The following HAPLN2 variants were observed in gnomAD, a reference collection of about 807,000 sequenced individuals.
HAPLN2 encodes the protein brain link protein-1.
Under a neutral mutation model 29.3 loss-of-function variants are expected in HAPLN2, and 27 were observed. The ratio of observed to expected loss-of-function variants is 0.92; its 90% CI spans 0.68 to 1.27. The LOEUF (loss-of-function observed/expected upper bound fraction) is 1.27, where lower values mean the gene tolerates loss of function less well. Ranked by LOEUF, HAPLN2 falls within the 50% of genes most tolerant of loss-of-function variation. The pLI is 0.00. For synonymous variants in HAPLN2, 208 were observed against 211.7 expected, an observed-to-expected ratio of 0.98 and a Z score of 0.15; for missense variants, 454 against 484.3, an observed-to-expected ratio of 0.94 and a Z score of 0.59.
At chr1:156,624,931 C>G (rs1678398775) in intron 6 of HAPLN2, 148 bp downstream of exon 6, 2 of 1,059,710 alleles carry the variant, frequency 1.9e-6, no homozygotes, top group Middle Eastern at 3.2e-4. Flanking sequence ...GCCCAGGCTC[C>G]AGCTCACCTC....
intron 4 of HAPLN2, 51 bp downstream of exon 4, chr1:156,624,211 C>A: frequency 6.4e-7 from 1 of 1,554,036 alleles, no homozygotes; most frequent in Admixed American, 1.9e-5. Flanking sequence ...GGGTCCGCCT[C>A]GCCTGGGTCT....
the HAPLN2 span, among the ~76,000 whole-genome samples, chr1:156,605,429 T>TAA: frequency 2.1e-5 from 3 of 140,700 alleles, no homozygotes; most frequent in Non-Finnish European, 3.1e-5. Flanking sequence ...CTGTCTCTAA[T>TAA]AAAAAAAAAA....
chr1:156,624,539 G>A (rs1678378438), intron 5 of HAPLN2, 62 bp from the exon 6 acceptor site: 1 of 1,601,892 alleles, frequency 6.2e-7, no homozygotes, highest in East Asian at 2.3e-5. Flanking sequence ...GGCGCCAGGC[G>A]AGCTCAGTCT....
chr1:156,610,363 C>T, the HAPLN2 span, among the ~76,000 whole-genome samples: 9 of 152,026 alleles, frequency 5.9e-5, no homozygotes, highest in African/African-American at 1.9e-4. Flanking sequence ...GGAGGCCAGG[C>T]GCGGTGGCTT....
At chr1:156,607,539 G>A in the HAPLN2 span, among the ~76,000 whole-genome samples, 1 of 152,112 alleles carries the variant, frequency 6.6e-6, no homozygotes, top group Non-Finnish European at 1.5e-5. Flanking sequence ...AGGTGGGGCA[G>A]AGGTGAGGTG....
chr1:156,602,917 A>G, the HAPLN2 span, among the ~76,000 whole-genome samples: 1 of 152,066 alleles, frequency 6.6e-6, no homozygotes, highest in Non-Finnish European at 1.5e-5. Context: ...AGCGCCCCCT[A>G]GAAACTTCCA....
chr1:156,625,259 G>A lies in HAPLN2; in HGVS notation c.898G>A (p.Val300Met). ...CDGGWLADGS[V>M]RFPITTPRPR... ...CGGCGGCTGGCTGGCTGACGGCAGTGTGCGCTTCCCAATCACCACGCCGAG... is the reference window on the plus strand; with the variant it reads ...CGGCGGCTGGCTGGCTGACGGCAGTATGCGCTTCCCAATCACCACGCCGAG... The change falls in exon 7 of 7, where the codon GTG (valine) becomes ATG (methionine). Residue 300 changes from valine (V) to methionine (M), a missense_variant. Val to Met is a conservative substitution (Grantham distance 21, BLOSUM62 1). Coordinates refer to ENST00000255039, the MANE Select transcript of HAPLN2 (RefSeq NM_021817.3). The surrounding 1 kb of genome is among the most constrained non-coding windows in gnomAD (Gnocchi z 5.7). 3 of 1,575,706 alleles carry A rather than the reference G, an allele frequency of 1.9e-6. No homozygotes were observed.
chr1:156,624,066 C>G lies in HAPLN2; in HGVS notation c.345C>G (p.Ile115Met), dbSNP rs760372413. The change falls in exon 4 of 7, where the codon ATC becomes ATG. Residue 115 changes from isoleucine to methionine, a missense_variant. Physicochemically the swap from Ile to Met is conservative, Grantham distance 10. Coordinates refer to ENST00000255039, the MANE Select transcript of HAPLN2 (RefSeq NM_021817.3). ...ATCGACTAGACGCCTCCCTGGTCAT[C>G]GCGGGCGTGCGCCTGGAGGACGAGG... Reference protein sequence around the residue: ...RGHRLDASLVIAGVRLEDEGR... With the variant: ...RGHRLDASLVMAGVRLEDEGR... The G allele has an allele frequency of 3.1e-6, 5 of 1,613,424 alleles. No individual in the cohort carries two copies. The highest frequency in any genetic ancestry group is 1.3e-5 in the African/African-American group (1 of 74,914).
At chr1:156,622,433 G>A (rs899426626) in intron 2 of HAPLN2, among the ~76,000 whole-genome samples, 2 of 151,670 alleles carry the variant, frequency 1.3e-5, no homozygotes, top group Non-Finnish European at 1.5e-5. Flanking sequence ...CAGTCTGGGC[G>A]AGAGAGTAAA....
chr1:156,622,958 T>TGG (rs1678284740), intron 2 of HAPLN2, among the ~76,000 whole-genome samples: 1 of 150,358 alleles, frequency 6.7e-6, no homozygotes, highest in African/African-American at 2.4e-5. Context: ...CACCTGGAGC[T>TGG]GGAAGTTAGG....
chr1:156,616,672 G>T (rs1678065723), upstream of HAPLN2, among the ~76,000 whole-genome samples: 1 of 152,202 alleles, frequency 6.6e-6, no homozygotes. Context: ...AGGGTGTCCT[G>T]TCCAAGGAGA....
chr1:156,604,901 A>G, the HAPLN2 span, among the ~76,000 whole-genome samples: 1 of 150,708 alleles, frequency 6.6e-6, no homozygotes, highest in Non-Finnish European at 1.5e-5. Flanking sequence ...CACAATCTCT[A>G]TAAAAAATCC....
rs377240441 is a variant in HAPLN2, at chr1:156,625,355, T to C, written c.994T>C (p.Tyr332His). The change falls in exon 7 of 7, where the codon TAT becomes CAT. Residue 332 changes from tyrosine to histidine, a missense_variant. This residue lies in a region of HAPLN2 where 235 missense variants were observed against 236.9 expected (regional missense o/e 0.99). Transcript: ENST00000255039. The surrounding 1 kb of genome is among the most constrained non-coding windows in gnomAD (Gnocchi z 5.7). ...CTTCCCCAGGCCCCAACAGGCAGCC[T>C]ATGGGACCTACTGCTACGCCGAGAA... ...FGFPRPQQAA[Y>H]GTYCYAEN The C allele has an allele frequency of 1.9e-6, 3 of 1,602,312 alleles. No homozygotes were observed. Among genetic ancestry groups the C allele is most frequent in the African/African-American group, 2.7e-5 (2 of 74,542 alleles).
chr1:156,622,470 G>A (rs1678261705), intron 2 of HAPLN2, among the ~76,000 whole-genome samples: 1 of 151,628 alleles, frequency 6.6e-6, no homozygotes, highest in South Asian at 2.1e-4. Context: ...AAAAAGGTCC[G>A]CAGTCCAGCA....
At chr1:156,618,881 G>T (rs1374638458), upstream of HAPLN2, among the ~76,000 whole-genome samples, 1 of 148,572 alleles carries the variant, frequency 6.7e-6, no homozygotes, top group Non-Finnish European at 1.5e-5. Flanking sequence ...TTATCTATTT[G>T]TGCTGAGGGA....
the HAPLN2 span, among the ~76,000 whole-genome samples, chr1:156,605,280 A>AT: frequency 6.6e-6 from 1 of 151,518 alleles, no homozygotes; most frequent in Non-Finnish European, 1.5e-5. Context: ...AGAAAAAAAA[A>AT]GAGAGAGAAA....
the HAPLN2 span, among the ~76,000 whole-genome samples, chr1:156,609,461 A>G: frequency 6.6e-6 from 1 of 152,260 alleles, no homozygotes; most frequent in Non-Finnish European, 1.5e-5. Flanking sequence ...TTGTTAAATT[A>G]TCTACAATTA....
chr1:156,612,493 A>G, the HAPLN2 span, among the ~76,000 whole-genome samples: 38 of 152,252 alleles, frequency 2.5e-4, no homozygotes, highest in East Asian at 6.9e-3. Flanking sequence ...GGTTCAAGCA[A>G]TTCTCCTGCC....
In HAPLN2 at chr1:156,623,585, C is replaced by A. The variant is rs778909567; in HGVS notation, c.85+10C>A. 6.2e-7 allele frequency: 1 copy of A among 1,614,008 alleles called. No individual in the cohort carries two copies. Among genetic ancestry groups the A allele is most frequent in the Non-Finnish European group, 8.5e-7 (1 of 1,179,946 alleles). On this transcript the variant is annotated intron_variant, in intron 3 of 6. Transcript: ENST00000255039. ...GCCCAAGGAGACCCAGGTAAGACCC[C>A]AGCCCAGGCCAGAATCTGGGGGAGG...
Sources: allele counts gnomAD v4.1 joint callset (sites outside exome capture counted in the v4.1 genomes callset), GRCh38; gene constraint gnomAD v4.1.1; regional missense constraint gnomAD v4.1.1; non-coding constraint Gnocchi (gnomAD v3.1); transcripts MANE v1.5; gene names NCBI Gene and HGNC (gene_info 2026-07-23, HGNC 2026-07-21).